Variants in COL9A3 observed in about 807,000 individuals in gnomAD.
COL9A3 encodes the protein collagen alpha-3(IX) chain.
Under a neutral mutation model 110.2 loss-of-function variants are expected in COL9A3, and 82 were observed. That is an observed-to-expected ratio of 0.74 (90% CI 0.62 to 0.89). COL9A3 has a LOEUF of 0.89. COL9A3 is among the 40% of genes least tolerant of loss of function. COL9A3 has a pLI of 0.00. For missense variants in COL9A3, 1,066 were observed against 981.3 expected, an observed-to-expected ratio of 1.09 and a Z score of -1.15; for synonymous variants, 494 against 403.8, an observed-to-expected ratio of 1.22 and a Z score of -2.68.
chr20:62,838,548 C>A, intron 30 of COL9A3, 136 bp from the exon 31 acceptor site: 1 of 836,136 alleles, frequency 1.2e-6, no homozygotes, highest in Non-Finnish European at 2.0e-6. Flanking sequence ...ACGCGTGTGA[C>A]ATCTGTACTT....
chr20:62,824,868 G>A (rs975137839), intron 11 of COL9A3, 100 bp from the exon 12 acceptor site: 40 of 1,267,560 alleles, frequency 3.2e-5, no homozygotes, highest in African/African-American at 4.4e-5. Context: ...GCCGTGTGGC[G>A]GGCCCTGGGC....
intron 5 of COL9A3, 74 bp downstream of exon 5, chr20:62,820,056 T>A: frequency 6.5e-7 from 1 of 1,528,798 alleles, no homozygotes; most frequent in East Asian, 2.2e-5. Context: ...CTGCTCTGTG[T>A]CCACAAGGCC....
chr20:62,826,119 G>T (rs1331375420), intron 13 of COL9A3, 85 bp from the exon 14 acceptor site: 1 of 1,425,776 alleles, frequency 7.0e-7, no homozygotes, highest in Non-Finnish European at 9.6e-7. Context: ...AGGGCTCCCA[G>T]GGGTACCCCG....
chr20:62,817,123 T>C lies in COL9A3; in HGVS notation c.59T>C (p.Leu20Pro). The C allele has an allele frequency of 7.1e-7, 1 of 1,399,202 alleles. No individual in the cohort carries two copies. Among genetic ancestry groups the C allele is most frequent in the Non-Finnish European group, 9.3e-7 (1 of 1,071,076 alleles). 86.7% of individuals were successfully genotyped at this position (1,399,202 alleles called of 1,614,324 possible). Residue 20 changes from leucine (L) to proline (P), a missense_variant, in exon 1 of 32, where the codon CTG becomes CCG. Leu to Pro is a moderately conservative substitution (Grantham distance 98). Coordinates refer to ENST00000649368, the MANE Select transcript of COL9A3 (RefSeq NM_001853.4). ...LLLLLLLGEL[L>P]AAAGAQRVGL... ...CTCCTGCTCCTGCTCGGGGAGCTTCTGGCGGCCGCCGGGGCGCAGGTGAGC... is the reference window on the plus strand; with the variant it reads ...CTCCTGCTCCTGCTCGGGGAGCTTCCGGCGGCCGCCGGGGCGCAGGTGAGC...
At chr20:62,832,821 T>A in intron 25 of COL9A3, 199 bp from the exon 26 acceptor site, 1 of 450,366 alleles carries the variant, frequency 2.2e-6, no homozygotes, top group Non-Finnish European at 3.5e-6. Flanking sequence ...TCTTCCGTTT[T>A]TTGGCCCCGC....
chr20:62,835,535 T>C (rs2063628307), intron 26 of COL9A3, among the ~76,000 whole-genome samples: 1 of 152,148 alleles, frequency 6.6e-6, no homozygotes, highest in Non-Finnish European at 1.5e-5. Flanking sequence ...CGGCTGACTG[T>C]GTGTTGACGC....
At chr20:62,835,523 C>T (rs1243673240) in intron 26 of COL9A3, among the ~76,000 whole-genome samples, 1 of 152,250 alleles carries the variant, frequency 6.6e-6, no homozygotes. Context: ...GAGACATTAA[C>T]CCGGCTGACT....
chr20:62,838,944 G>T (rs757855414), intron 31 of COL9A3, among the ~76,000 whole-genome samples, 183 bp downstream of exon 31: 5 of 152,202 alleles, frequency 3.3e-5, no homozygotes, highest in Non-Finnish European at 7.3e-5. Flanking sequence ...TTTAATCGGG[G>T]CTGGGCGCGG....
rs776561331 is a variant in COL9A3 at position 62,819,912 on chromosome 20, C to T, written c.256-17C>T. On this transcript the variant is annotated splice_polypyrimidine_tract_variant and intron_variant, in intron 4 of 31. Transcript: ENST00000649368. Reference sequence around the variant, plus strand: ...TTCCCATGTGGCCCCTCGAGCTCGCCCTCTGCCTCTCCCCAGGGTCTGACT... The same window carrying T: ...TTCCCATGTGGCCCCTCGAGCTCGCTCTCTGCCTCTCCCCAGGGTCTGACT... 26 of 1,612,674 alleles carry T rather than the reference C, an allele frequency of 1.6e-5. No homozygotes were observed. In the Admixed American group the frequency reaches 3.3e-4, roughly 21 times the overall value.
rs2063644067 is a variant in COL9A3 at position 62,837,234 on chromosome 20, C to T, written c.1755C>T (p.Pro585=). ...GAGGACCCCCTGGATACCGCGGTCCCACTGGGGAGCTGGGAGACCCCGGGC... is the reference window on the plus strand; with the variant it reads ...GAGGACCCCCTGGATACCGCGGTCCTACTGGGGAGCTGGGAGACCCCGGGC... ...GARGPPGYRG[P]TGELGDPGPR... is the part of the protein sequence containing the mutation. The change falls in exon 30 of 32, where the codon CCC becomes CCT. Residue 585 remains proline (P), a synonymous_variant. Coordinates refer to ENST00000649368, the MANE Select transcript of COL9A3 (RefSeq NM_001853.4). The T allele has an allele frequency of 6.2e-7, 1 of 1,611,672 alleles. No homozygotes were observed. The highest frequency in any genetic ancestry group is 8.5e-7 in the Non-Finnish European group (1 of 1,179,794).
intron 10 of COL9A3, among the ~76,000 whole-genome samples, chr20:62,823,021 G>A (rs1189361536): frequency 6.6e-6 from 1 of 151,980 alleles, no homozygotes; most frequent in African/African-American, 2.4e-5. Context: ...TGATCTTTGA[G>A]CCTTGTCATT....
chr20:62,825,951 AG>A, intron 13 of COL9A3, 81 bp downstream of exon 13: 4 of 1,449,684 alleles, frequency 2.8e-6, no homozygotes, highest in Non-Finnish European at 2.8e-6. Context: ...TCTACCCCCG[AG>A]GGGGCCAGCT....
chr20:62,829,080 G>A (rs1195583519), intron 19 of COL9A3, 104 bp downstream of exon 19: 1 of 1,276,834 alleles, frequency 7.8e-7, no homozygotes, highest in South Asian at 1.3e-5. Flanking sequence ...CCGACTCCCT[G>A]TGAGGGGTTC....
Position 62,817,112 on chromosome 20 carries a change from CG to C in COL9A3, c.52del (p.Glu18SerfsTer70). On this transcript the variant is annotated frameshift_variant, in exon 1 of 32. Transcript: ENST00000649368. LOFTEE classifies it high-confidence loss of function. ...CCCCGCTCCTGCTCCTGCTCCTGCT[CG>C]GGGAGCTTCTGGCGGCCGCCGGGGC... The part of the protein sequence containing the change: ...CAPLLLLLLL[G>X]ELLAAAGAQR... 1 of 1,402,154 alleles carries C rather than the reference CG, an allele frequency of 7.1e-7. No homozygotes were observed. The highest frequency in any genetic ancestry group is 9.3e-7 in the Non-Finnish European group (1 of 1,073,002). 86.9% of individuals were successfully genotyped at this position (1,402,154 alleles called of 1,614,324 possible). A position where few individuals can be genotyped will look rare whatever the true frequency, so the allele number is the denominator to read the frequency against.
At chr20:62,831,038 A>G (rs1472859220) in intron 24 of COL9A3, 2 of 152,510 alleles carry the variant, frequency 1.3e-5, no homozygotes, top group African/African-American at 4.8e-5. Context: ...GTCAGTGTTC[A>G]TTCCTCGAGA....
At position 62,825,834 on chromosome 20, in the gene COL9A3, T is replaced by G. The variant is rs200105748; in HGVS notation, c.648T>G (p.Pro216=). ...KDGEKGDPGP[P]GPAGLPGSVG... ...TGTTTCAGGGTGACCCTGGCCCCCC[T>G]GGGCCCGCCGGCCTCCCGGGCAGCG... The change falls in exon 13 of 32, where the codon CCT becomes CCG. Residue 216 remains proline, a synonymous_variant. Transcript: ENST00000649368. 6.4e-7 allele frequency: 1 copy of G among 1,555,864 alleles called. No homozygotes were observed. The highest frequency in any genetic ancestry group is 8.7e-7 in the Non-Finnish European group (1 of 1,149,578).
At position 62,817,103 on chromosome 20, in the gene COL9A3, G is replaced by T. The variant is rs772177147; in HGVS notation, c.39G>T (p.Leu13=). The T allele has an allele frequency of 3.6e-6, 5 of 1,405,726 alleles. No individual in the cohort carries two copies. The African/African-American group carries it at 6.0e-5, about 17-fold the overall frequency. 87.1% of individuals were successfully genotyped at this position (1,405,726 alleles called of 1,614,324 possible). A position where few individuals can be genotyped will look rare whatever the true frequency, so the allele number is the denominator to read the frequency against. ...GCGCGTGCGCCCCGCTCCTGCTCCT[G>T]CTCCTGCTCGGGGAGCTTCTGGCGG... ...GPRACAPLLL[L]LLLGELLAAA... The change falls in exon 1 of 32, where the codon CTG becomes CTT. Residue 13 remains leucine, a synonymous_variant. Coordinates refer to ENST00000649368, the MANE Select transcript of COL9A3 (RefSeq NM_001853.4).
At chr20:62,834,258 C>G (rs893993233) in intron 26 of COL9A3, among the ~76,000 whole-genome samples, 1 of 152,246 alleles carries the variant, frequency 6.6e-6, no homozygotes, top group African/African-American at 2.4e-5. Context: ...GATCCACCTG[C>G]CTCAGCCTCC....
At chr20:62,828,730 T>A in intron 17 of COL9A3, 34 bp from the exon 18 acceptor site, 1 of 1,611,438 alleles carries the variant, frequency 6.2e-7, no homozygotes, top group Non-Finnish European at 8.5e-7. Flanking sequence ...GGGGGGCCAC[T>A]GCCCGACGGG....
Sources: gnomAD v4.1 joint callset for allele counts (sites outside exome capture counted in the v4.1 genomes callset) on GRCh38, gnomAD v4.1.1 for gene constraint, MANE v1.5 for transcripts, NCBI Gene and HGNC (gene_info 2026-07-23, HGNC 2026-07-21) for gene names.